CALN1: variants seen among roughly 807,000 people sequenced by gnomAD.
CALN1 encodes the protein calneuron 1.
A neutral mutation model predicts 30.6 loss-of-function variants in CALN1; 17 were observed. The observed-to-expected ratio is 0.56, with a 90% confidence interval of 0.38 to 0.83. The LOEUF is 0.83. Ranked by LOEUF, CALN1 falls within the 40% of genes least tolerant of loss-of-function variation. The pLI, the probability that CALN1 is intolerant of heterozygous loss-of-function variation, is 0.00. For synonymous variants in CALN1, 156 were observed against 131.4 expected, an observed-to-expected ratio of 1.19 and a Z score of -1.28; for missense variants, 291 against 354.9, an observed-to-expected ratio of 0.82 and a Z score of 1.45.
chr7:72,393,084 T>A (rs1232511655), intron 2 of CALN1, among the ~76,000 whole-genome samples: 1 of 152,122 alleles, frequency 6.6e-6, no homozygotes, highest in Non-Finnish European at 1.5e-5. Flanking sequence ...ATGAAAGGGT[T>A]TCTAATGAAG....
chr7:72,307,895 A>G (rs1799757732), intron 2 of CALN1, among the ~76,000 whole-genome samples: 1 of 12,220 alleles, frequency 8.2e-5, no homozygotes, highest in African/African-American at 1.7e-4. Flanking sequence ...AAAGGCAGAG[A>G]CAAAAAAAAA....
chr7:72,236,631 C>T (rs1430738323), intron 3 of CALN1, among the ~76,000 whole-genome samples: 1 of 152,128 alleles, frequency 6.6e-6, no homozygotes, highest in Non-Finnish European at 1.5e-5. Context: ...AGGCTCATCG[C>T]AAAAATCAAA....
intron 1 of CALN1, among the ~76,000 whole-genome samples, chr7:72,442,877 T>C (rs1376064224): frequency 6.6e-6 from 1 of 152,228 alleles, no homozygotes; most frequent in East Asian, 1.9e-4. Context: ...TTATTTAGGA[T>C]TGCACTTTAT....
intron 3 of CALN1, among the ~76,000 whole-genome samples, chr7:72,107,915 C>T (rs1807294174): frequency 6.6e-6 from 1 of 152,186 alleles, no homozygotes; most frequent in African/African-American, 2.4e-5. Context: ...CAAACGCATA[C>T]AAGCCCCTCG....
intron 5 of CALN1, among the ~76,000 whole-genome samples, chr7:71,935,583 G>A (rs142006843): frequency 0.016 from 2,384 of 152,284 alleles, 57 homozygotes; most frequent in African/African-American, 0.054. Context: ...TTAGCTAGGC[G>A]TGGTTGGCGC....
At chr7:72,455,308 AATAT>A in the CALN1 span, among the ~76,000 whole-genome samples, 36 of 139,626 alleles carry the variant, frequency 2.6e-4, no homozygotes, top group African/African-American at 9.2e-4. Context: ...TTCTAGAAAC[AATAT>A]ATATATATAT....
At chr7:72,231,511 T>C (rs1040308556) in intron 3 of CALN1, among the ~76,000 whole-genome samples, 91 of 152,224 alleles carry the variant, frequency 6.0e-4, no homozygotes, top group African/African-American at 1.8e-3. Flanking sequence ...TGTACCACAT[T>C]TTCTTTATCT....
intron 3 of CALN1, among the ~76,000 whole-genome samples, chr7:72,213,058 G>A (rs1324447230): frequency 6.6e-6 from 1 of 152,166 alleles, no homozygotes; most frequent in Non-Finnish European, 1.5e-5. Flanking sequence ...TGATCAACCT[G>A]CTGACGAATT....
intron 5 of CALN1, among the ~76,000 whole-genome samples, chr7:72,003,785 T>C (rs964152476): frequency 3.3e-5 from 5 of 152,160 alleles, no homozygotes; most frequent in African/African-American, 4.8e-5. Context: ...GTAATAATAA[T>C]AGAAATAAAG....
chr7:72,003,578 A>T (rs1173487588), intron 5 of CALN1, among the ~76,000 whole-genome samples: 1 of 152,158 alleles, frequency 6.6e-6, no homozygotes, highest in African/African-American at 2.4e-5. Context: ...TTCTCATAGA[A>T]GTGTGAATGT....
chr7:71,995,536 C>T (rs941233492), intron 5 of CALN1, among the ~76,000 whole-genome samples: 9 of 152,082 alleles, frequency 5.9e-5, no homozygotes, highest in African/African-American at 2.2e-4. Flanking sequence ...AGGCCGGCTG[C>T]CGTGGCTCAC....
chr7:72,065,959 G>A (rs1803995110), intron 4 of CALN1, among the ~76,000 whole-genome samples: 1 of 152,134 alleles, frequency 6.6e-6, no homozygotes, highest in South Asian at 2.1e-4. Context: ...ATTTTGATAT[G>A]ATGCAATACC....
intron 3 of CALN1, among the ~76,000 whole-genome samples, chr7:72,226,481 G>A (rs56045810): frequency 0.019 from 2,950 of 152,166 alleles, 92 homozygotes; most frequent in African/African-American, 0.066. Context: ...AAGAAAGTAG[G>A]CAACTTCATA....
chr7:71,995,178 A>T (rs903445752), intron 5 of CALN1, among the ~76,000 whole-genome samples: 3 of 152,114 alleles, frequency 2.0e-5, no homozygotes, highest in Non-Finnish European at 4.4e-5. Context: ...TATTACGCAC[A>T]TGGGTTCTCT....
At chr7:72,468,226 T>C in the CALN1 span, among the ~76,000 whole-genome samples, 1 of 152,230 alleles carries the variant, frequency 6.6e-6, no homozygotes, top group Non-Finnish European at 1.5e-5. Flanking sequence ...ATGTATTTAT[T>C]TGAGTACTTG....
At chr7:72,276,000 CAG>C (rs1390408529) in intron 3 of CALN1, among the ~76,000 whole-genome samples, 1 of 152,106 alleles carries the variant, frequency 6.6e-6, no homozygotes, top group African/African-American at 2.4e-5. Flanking sequence ...TGAAAAGTCA[CAG>C]AGAAATCATC....
chr7:72,055,323 G>A lies in CALN1; in HGVS notation c.389-31554C>T, dbSNP rs376290363. Among the ~76,000 whole-genome samples, 5 of 152,064 alleles carry A rather than the reference G, an allele frequency of 3.3e-5. No individual in the cohort carries two copies. The East Asian group carries it at 5.8e-4, about 18-fold the overall frequency. ...AACCAAGCTGGTAAAGATTAACAGAGGCTGATTAAACAAATAATAGAAAAA... is the reference window on the plus strand; with the variant it reads ...AACCAAGCTGGTAAAGATTAACAGAAGCTGATTAAACAAATAATAGAAAAA... On this transcript the variant is annotated intron_variant, in intron 4 of 6. Coordinates refer to ENST00000395275, the MANE Select transcript of CALN1 (RefSeq NM_031468.4).
chr7:72,345,202 G>A (rs1471544954), intron 2 of CALN1, among the ~76,000 whole-genome samples: 3 of 150,426 alleles, frequency 2.0e-5, no homozygotes, highest in African/African-American at 7.3e-5. Context: ...AGGCATAGAA[G>A]GAAAAGGAAA....
intron 4 of CALN1, among the ~76,000 whole-genome samples, chr7:72,027,339 C>G (rs1801129904): frequency 6.6e-6 from 1 of 152,156 alleles, no homozygotes; most frequent in Non-Finnish European, 1.5e-5. Flanking sequence ...TGGGCATCAT[C>G]TCACTATCTG....
Sources: gnomAD v4.1 joint callset for allele counts (sites outside exome capture counted in the v4.1 genomes callset) on GRCh38, gnomAD v4.1.1 for gene constraint, MANE v1.5 for transcripts, NCBI Gene and HGNC (gene_info 2026-07-23, HGNC 2026-07-21) for gene names.